The following COL5A3 variants were observed in gnomAD, a reference collection of about 807,000 sequenced individuals.
The protein encoded by COL5A3 is collagen type V alpha 3 chain.
COL5A3 carries 172 observed loss-of-function variants against 250.0 expected under a neutral mutation model. The ratio of observed to expected loss-of-function variants is 0.69; its 90% CI spans 0.61 to 0.78. COL5A3 has a LOEUF of 0.78. Among genes scored for constraint, COL5A3 ranks in the 30% least tolerant of loss-of-function variants. The pLI, the probability that COL5A3 is intolerant of heterozygous loss-of-function variation, is 0.00. For synonymous variants in COL5A3, 937 were observed against 900.4 expected, an observed-to-expected ratio of 1.04 and a Z score of -0.73; for missense variants, 2,340 against 2,334.4, an observed-to-expected ratio of 1.00 and a Z score of -0.05.
intron 44 of COL5A3, among the ~76,000 whole-genome samples, 194 bp downstream of exon 44, chr19:9,977,035 G>A (rs1472664401): frequency 6.6e-6 from 1 of 152,100 alleles, no homozygotes; most frequent in African/African-American, 2.4e-5. Flanking sequence ...TATCCTGTCT[G>A]CAGTTGGGTT....
At chr19:9,978,835 C>A (rs2086963212) in intron 40 of COL5A3, 56 bp downstream of exon 40, 5 of 1,221,818 alleles carry the variant, frequency 4.1e-6, no homozygotes, top group Middle Eastern at 2.0e-4. Flanking sequence ...CTCCCCTGAC[C>A]CCCCCATCCT....
In COL5A3 at chr19:9,966,440, AG is replaced by A. The variant is rs1568403453; in HGVS notation, c.4670-15del. On this transcript the variant is annotated splice_polypyrimidine_tract_variant and intron_variant, in intron 63 of 66. Coordinates refer to ENST00000264828, the MANE Select transcript of COL5A3 (RefSeq NM_015719.4). ...TCCAGTATTCCCCTGCCGCAGAGCC[AG>A]GCAGGGTGGGTGAGTCCGGATGGGA... 1 of 1,586,192 alleles carries A rather than the reference AG, an allele frequency of 6.3e-7. No homozygotes were observed. The highest frequency in any genetic ancestry group is 2.2e-5 in the East Asian group (1 of 44,450).
chr19:9,970,028 G>A, intron 54 of COL5A3, 106 bp from the exon 55 acceptor site: 3 of 689,160 alleles, frequency 4.4e-6, no homozygotes, highest in Non-Finnish European at 7.5e-6. Flanking sequence ...GGTCTGTAAG[G>A]TGAGTGGGGT....
chr19:10,010,034 CAT>C (rs2087505518), intron 1 of COL5A3, among the ~76,000 whole-genome samples: 1 of 152,200 alleles, frequency 6.6e-6, no homozygotes, highest in South Asian at 2.1e-4. Context: ...GCTACACACA[CAT>C]ACACACATGC....
chr19:10,007,240 AC>A (rs1180408189), intron 1 of COL5A3, among the ~76,000 whole-genome samples: 2 of 150,134 alleles, frequency 1.3e-5, no homozygotes, highest in Non-Finnish European at 3.0e-5. Context: ...ACTCCCTCTG[AC>A]CTCCTCCCTC....
At position 10,001,759 on chromosome 19, in the gene COL5A3, C is replaced by T; in HGVS notation, c.963+9G>A. The T allele has an allele frequency of 6.2e-7, 1 of 1,613,764 alleles. No homozygotes were observed. Among genetic ancestry groups the T allele is most frequent in the Non-Finnish European group, 8.5e-7 (1 of 1,179,722 alleles). The stretch of plus-strand genomic sequence containing the variant: ...CCTTGGGGTCTCCCCTCTTCCATCC[C>T]CATCCAACCTCTAGGATCGTGGCAT... On this transcript the variant is annotated intron_variant, in intron 7 of 66. Coordinates refer to ENST00000264828, the MANE Select transcript of COL5A3 (RefSeq NM_015719.4).
At chr19:9,982,783 C>A (rs1013782694) in intron 31 of COL5A3, among the ~76,000 whole-genome samples, 1 of 152,162 alleles carries the variant, frequency 6.6e-6, no homozygotes, top group Non-Finnish European at 1.5e-5. Flanking sequence ...GGCATCCCGC[C>A]TCAAAGCCCA....
intron 56 of COL5A3, 48 bp downstream of exon 56, chr19:9,969,527 G>C: frequency 6.2e-7 from 1 of 1,600,588 alleles, no homozygotes; most frequent in Non-Finnish European, 8.5e-7. Flanking sequence ...GGAGCAGACA[G>C]AGAGGAGCTG....
intron 40 of COL5A3, 51 bp downstream of exon 40, chr19:9,978,840 C>A (rs751278458): frequency 1.7e-5 from 22 of 1,268,980 alleles, no homozygotes; most frequent in African/African-American, 6.2e-5. Flanking sequence ...CTGACCCCCC[C>A]ATCCTTTCCT....
intron 6 of COL5A3, among the ~76,000 whole-genome samples, chr19:10,002,848 G>A (rs754581562): frequency 3.0e-4 from 46 of 151,728 alleles, no homozygotes; most frequent in African/African-American, 8.5e-4. Flanking sequence ...CCCCATCTGC[G>A]ACCCCCTGAA....
chr19:9,967,468 A>AAC lies in COL5A3; in HGVS notation c.4405-70_4405-69dup, dbSNP rs903323360. On this transcript the variant is annotated intron_variant, in intron 61 of 66. Transcript: ENST00000264828. ...GACCCTTCCCACCAACATACACACA[A>AAC]ACACACACACACACTCACACACACA... is the stretch of plus-strand genomic sequence containing the variant. 101 of 997,468 alleles carry AAC rather than the reference A, an allele frequency of 1.0e-4. 1 individual carries two copies. The highest frequency in any genetic ancestry group is 2.6e-4 in the East Asian group (8 of 30,680). The allele number at this position is 997,468 out of a possible 1,614,324, so 61.8% of individuals were successfully genotyped here.
Position 9,974,344 on chromosome 19 carries a change from C to T in COL5A3, c.3407G>A (p.Gly1136Glu). The T allele has an allele frequency of 6.2e-7, 1 of 1,612,884 alleles. No individual in the cohort carries two copies. Among genetic ancestry groups the T allele is most frequent in the Non-Finnish European group, 8.5e-7 (1 of 1,179,442 alleles). The change falls in exon 46 of 67, where the codon GGA becomes GAA. Residue 1136 changes from glycine (G) to glutamate (E), a missense_variant. Around this residue, in one of 3 missense-constraint regions of COL5A3, gnomAD observed 1,179 missense variants for 1,162.6 expected, o/e 1.01. Coordinates refer to ENST00000264828, the MANE Select transcript of COL5A3 (RefSeq NM_015719.4). ...AATCACCCCCACAAAGCCTCTGACT[C>T]CGTCATCTCCTTTCTGCCCAAAGAG... is the stretch of plus-strand genomic sequence containing the variant. ...PGLFGQKGDD[G>E]VRGFVGVIGP...
rs369624128 is a variant in COL5A3 at position 9,982,139 on chromosome 19, A to G, written c.2407-21T>C. 5.1e-6 allele frequency: 8 copies of G among 1,562,272 alleles called. No individual in the cohort carries two copies. In the Admixed American group the frequency reaches 1.3e-4, roughly 25 times the overall value. ...GATCCCTGAGTGGAGAGAATTAGAA[A>G]GAAGACATGAGGGTGAGGAGTGAGT... is the stretch of plus-strand genomic sequence containing the variant. On this transcript the variant is annotated intron_variant, in intron 31 of 66. Transcript: ENST00000264828.
At chr19:9,981,925 G>T in intron 32 of COL5A3, 140 bp downstream of exon 32, 1 of 715,054 alleles carries the variant, frequency 1.4e-6, no homozygotes. Flanking sequence ...GTCATGCATT[G>T]CATATAATAG....
chr19:9,980,686 C>T lies in COL5A3; in HGVS notation c.2566G>A (p.Val856Met). The T allele has an allele frequency of 6.2e-7, 1 of 1,614,098 alleles. No individual in the cohort carries two copies. Among genetic ancestry groups the T allele is most frequent in the Non-Finnish European group, 8.5e-7 (1 of 1,180,002 alleles). The stretch of plus-strand genomic sequence containing the variant: ...ATCCCAGGGGCTCCATCCTGGCCCA[C>T]ATCGCCCTAGGACAGAGTGAATGAG... ...ATGQPGPKGD[V>M]GQDGAPGIPG... is the part of the protein sequence containing the mutation. The change falls in exon 35 of 67, where the codon GTG (valine) becomes ATG (methionine). Residue 856 changes from valine to methionine, a missense_variant. By Grantham distance (21) the Val-to-Met change is conservative (BLOSUM62 1). Around this residue, in one of 3 missense-constraint regions of COL5A3, gnomAD observed 1,152 missense variants for 1,146.3 expected, o/e 1.00. Coordinates refer to ENST00000264828, the MANE Select transcript of COL5A3 (RefSeq NM_015719.4).
Position 9,966,730 on chromosome 19 carries a change from A to G in COL5A3, c.4475T>C (p.Leu1492Pro). ...PPGPPGAPAE[L>P]HGLRRRRRFV... ...GCGCCGGCGCCTGCGCAGCCCATGC[A>G]GCTCGGCAGGGGCACCCTGGGCGTA... is the stretch of plus-strand genomic sequence containing the variant. Residue 1492 changes from leucine to proline, a missense_variant, in exon 63 of 67, where the codon CTG (leucine) becomes CCG (proline). Physicochemically the swap from Leu to Pro is moderately conservative, Grantham distance 98. Coordinates refer to ENST00000264828, the MANE Select transcript of COL5A3 (RefSeq NM_015719.4). The G allele has an allele frequency of 1.3e-6, 2 of 1,535,952 alleles. No homozygotes were observed. Among genetic ancestry groups the G allele is most frequent in the Non-Finnish European group, 1.7e-6 (2 of 1,146,550 alleles).
At chr19:10,003,742 G>T in intron 5 of COL5A3, 28 bp from the exon 6 acceptor site, 1 of 1,613,202 alleles carries the variant, frequency 6.2e-7, no homozygotes, top group Non-Finnish European at 8.5e-7. Context: ...GTCAGGTCTA[G>T]AGCATCCCAC....
intron 62 of COL5A3, among the ~76,000 whole-genome samples, chr19:9,967,025 G>C (rs1045290851): frequency 2.6e-5 from 4 of 151,902 alleles, no homozygotes; most frequent in African/African-American, 9.7e-5. Flanking sequence ...AGAGCAGGGA[G>C]AGAGACAGAA....
intron 10 of COL5A3, 63 bp downstream of exon 10, chr19:9,997,921 G>T: frequency 6.3e-7 from 1 of 1,582,512 alleles, no homozygotes; most frequent in South Asian, 1.1e-5. Context: ...CTCACTCCAG[G>T]GGATTAAACA....
Sources: gnomAD v4.1 joint callset for allele counts (sites outside exome capture counted in the v4.1 genomes callset) on GRCh38, gnomAD v4.1.1 for gene constraint, gnomAD v4.1.1 regional missense constraint, MANE v1.5 for transcripts, NCBI Gene and HGNC (gene_info 2026-07-23, HGNC 2026-07-21) for gene names.